TPRG1: variants seen among roughly 807,000 people sequenced by gnomAD.
The protein encoded by TPRG1 is tumor protein p63-regulated gene 1 protein.
In TPRG1, 29 loss-of-function variants were observed where a neutral mutation model predicts 29.3. The observed-to-expected ratio is 0.99, with a 90% CI of 0.74 to 1.35. TPRG1 has a LOEUF of 1.35. TPRG1 is among the 40% of genes most tolerant of loss of function. The probability of loss-of-function intolerance (pLI) is 0.00; values close to 1 mark genes in which losing one functional copy is unlikely to be tolerated. For synonymous variants in TPRG1, 130 were observed against 116.8 expected (o/e 1.11, Z -0.73); for missense variants, 327 against 335.0 (o/e 0.98, Z 0.19).
intron 4 of TPRG1, among the ~76,000 whole-genome samples, chr3:189,057,827 TACACAC>T (rs1163764683): frequency 2.8e-5 from 4 of 145,144 alleles, no homozygotes; most frequent in African/African-American, 5.1e-5. Flanking sequence ...TGTATATATA[TACACAC>T]ATATGTATGT....
At chr3:189,020,631 G>A (rs1287377042) in intron 3 of TPRG1, among the ~76,000 whole-genome samples, 1 of 147,496 alleles carries the variant, frequency 6.8e-6, no homozygotes, top group Admixed American at 6.8e-5. Context: ...TACATTTGCT[G>A]AGGAGAGCTT....
intron 3 of TPRG1, among the ~76,000 whole-genome samples, chr3:189,015,443 AT>A (rs1712878937): frequency 6.6e-6 from 1 of 152,198 alleles, no homozygotes; most frequent in South Asian, 2.1e-4. Context: ...AGAAAAAAAC[AT>A]TTTCTGGAAG....
At position 189,215,347 on chromosome 3, in the gene TPRG1, C is replaced by T. The variant is rs138819856; in HGVS notation, c.266C>T (p.Ser89Phe). Residue 89 changes from serine (S) to phenylalanine (F), a missense_variant, in exon 3 of 6, where the codon TCT (serine) becomes TTT (phenylalanine). By Grantham distance (155) the Ser-to-Phe change is radical. Coordinates refer to ENST00000345063, the MANE Select transcript of TPRG1 (RefSeq NM_198485.4). Reference sequence around the variant, plus strand: ...TTGAAAGGTCACGTAGCTGAGACTTCTGGAGAGACCATTCAAGGCTTCTGG... The same window carrying T: ...TTGAAAGGTCACGTAGCTGAGACTTTTGGAGAGACCATTCAAGGCTTCTGG... ...EDLKGHVAET[S>F]GETIQGFWLL... 1.0e-4 allele frequency: 163 copies of T among 1,612,470 alleles called. No homozygotes were observed. In the African/African-American group the frequency reaches 2.0e-3, roughly 20 times the overall value.
intron 1 of TPRG1, among the ~76,000 whole-genome samples, chr3:189,122,396 C>T (rs911163489): frequency 7.9e-5 from 12 of 152,210 alleles, no homozygotes; most frequent in Non-Finnish European, 7.3e-5. Flanking sequence ...TCTCCCTATG[C>T]TTTTCCCCAA....
chr3:189,058,235 A>T (rs1715865076), intron 4 of TPRG1, among the ~76,000 whole-genome samples: 1 of 152,078 alleles, frequency 6.6e-6, no homozygotes, highest in African/African-American at 2.4e-5. Flanking sequence ...TAATGTAAAT[A>T]TGTGTTAGAG....
At chr3:189,103,028 C>T (rs771929909) in intron 1 of TPRG1, among the ~76,000 whole-genome samples, 15 of 152,102 alleles carry the variant, frequency 9.9e-5, no homozygotes, top group African/African-American at 3.6e-4. Flanking sequence ...TATTTTGGTG[C>T]TTCGTCTGTA....
intron 5 of TPRG1, among the ~76,000 whole-genome samples, chr3:189,164,649 G>A (rs372045626): frequency 6.6e-6 from 1 of 151,200 alleles, no homozygotes; most frequent in Admixed American, 6.6e-5. Context: ...AAAAAAAAAG[G>A]TATCTGAAAT....
intron 4 of TPRG1, among the ~76,000 whole-genome samples, chr3:189,045,168 G>T (rs1714897286): frequency 6.6e-6 from 1 of 152,116 alleles, no homozygotes. Flanking sequence ...ATTACACTAA[G>T]ATAAACATCT....
intron 5 of TPRG1, among the ~76,000 whole-genome samples, chr3:189,316,220 T>C (rs77271735): frequency 0.038 from 5,840 of 152,282 alleles, 146 homozygotes; most frequent in East Asian, 0.1. Flanking sequence ...AAAAAGAAGC[T>C]ACTGCCTCTT....
At chr3:189,141,006 G>A (rs1724474695) in intron 3 of TPRG1, among the ~76,000 whole-genome samples, 2 of 152,112 alleles carry the variant, frequency 1.3e-5, no homozygotes, top group African/African-American at 4.8e-5. Context: ...GCTCAAAAGT[G>A]GACCTATTTG....
chr3:189,144,734 T>C (rs1004529094), intron 3 of TPRG1, among the ~76,000 whole-genome samples: 7 of 152,228 alleles, frequency 4.6e-5, no homozygotes, highest in Admixed American at 4.6e-4. Flanking sequence ...TAGAAGTTAA[T>C]AGGAGTTTAC....
At chr3:189,022,717 A>AGAGG (rs1179703477) in intron 3 of TPRG1, among the ~76,000 whole-genome samples, 1 of 152,236 alleles carries the variant, frequency 6.6e-6, no homozygotes, top group Non-Finnish European at 1.5e-5. Flanking sequence ...TGGAGCCTAA[A>AGAGG]GAGGCAGGCA....
intron 4 of TPRG1, among the ~76,000 whole-genome samples, chr3:189,280,616 A>G (rs910396176): frequency 6.6e-6 from 1 of 152,144 alleles, no homozygotes; most frequent in Non-Finnish European, 1.5e-5. Context: ...GGAGGCCAAC[A>G]AGAAGCTTGG....
chr3:189,262,570 T>A (rs992301813), intron 4 of TPRG1, among the ~76,000 whole-genome samples: 3 of 152,128 alleles, frequency 2.0e-5, no homozygotes, highest in African/African-American at 7.2e-5. Flanking sequence ...CAGACAGTCA[T>A]GAAATAATCA....
chr3:189,009,933 C>G lies in TPRG1; in HGVS notation c.-660+5173C>G, dbSNP rs755256561. Among the ~76,000 whole-genome samples, 41 of 151,966 alleles carry G rather than the reference C, an allele frequency of 2.7e-4. 1 individual carries two copies. Among genetic ancestry groups the G allele is most frequent in the Non-Finnish European group, 5.0e-4 (34 of 67,988 alleles). ...GCCCAGCATCCACTAGCTATTTTTC[C>G]TGATCCTTTCCCACCCCTTGCCCTC... On this transcript the variant is annotated intron_variant, in intron 3 of 10. Coordinates refer to the TPRG1 transcript ENST00000433971.
At chr3:189,211,637 T>G (rs1735275301) in intron 2 of TPRG1, 1 of 152,100 alleles carries the variant, frequency 6.6e-6, no homozygotes, top group South Asian at 2.1e-4. Flanking sequence ...TGACTTAGCT[T>G]CGGAGCTCCC....
At chr3:189,258,312 G>T (rs570738166) in intron 4 of TPRG1, among the ~76,000 whole-genome samples, 14 of 152,076 alleles carry the variant, frequency 9.2e-5, no homozygotes, top group African/African-American at 3.4e-4. Flanking sequence ...GACCCTGTTT[G>T]CCTGGGTATC....
rs1233045817 is a variant in TPRG1 at position 189,148,987 on chromosome 3, TG to T, written c.-227+1341del. 3.8e-4 allele frequency among the ~76,000 whole-genome samples: 58 copies of T among 152,354 alleles called. 1 individual carries two copies. Among genetic ancestry groups the T allele is most frequent in the African/African-American group, 1.3e-3 (56 of 41,578 alleles). On this transcript the variant is annotated intron_variant, in intron 4 of 6. Coordinates refer to the TPRG1 transcript ENST00000412373. ...GACACTGCTGCTGTGGGCGATTGCT[TG>T]ACCTAATGTGACTATCTCTGCTCTG... is the stretch of plus-strand genomic sequence containing the variant.
intron 1 of TPRG1, among the ~76,000 whole-genome samples, chr3:189,204,759 C>T (rs1734050564): frequency 6.6e-6 from 1 of 152,104 alleles, no homozygotes; most frequent in South Asian, 2.1e-4. Context: ...TTTCCTTCCC[C>T]AATGGCACAA....
Sources: allele counts gnomAD v4.1 joint callset (sites outside exome capture counted in the v4.1 genomes callset), GRCh38; gene constraint gnomAD v4.1.1; transcripts MANE v1.5; gene names NCBI Gene and HGNC (gene_info 2026-07-23, HGNC 2026-07-21).